Variants in OXR1 observed in about 807,000 individuals in gnomAD.
The protein encoded by OXR1 is oxidation resistance 1.
OXR1 carries 41 observed loss-of-function variants against 104.6 expected under a neutral mutation model. The observed-to-expected ratio is 0.39, with a 90% CI of 0.31 to 0.51. The LOEUF is 0.51. Among genes scored for constraint, OXR1 ranks in the 20% least tolerant of loss-of-function variants. The pLI is 0.77. For synonymous variants in OXR1, 348 were observed against 348.4 expected (o/e 1.00, Z 0.01); for missense variants, 955 against 1,031.9 (o/e 0.93, Z 1.02).
intron 2 of OXR1, among the ~76,000 whole-genome samples, chr8:106,369,400 A>G (rs1816614013): frequency 6.6e-6 from 1 of 152,146 alleles, no homozygotes; most frequent in Admixed American, 6.5e-5. Flanking sequence ...TCATTATTTT[A>G]ATTAGAACCC....
At chr8:106,539,754 A>G (rs544667878) in intron 3 of OXR1, among the ~76,000 whole-genome samples, 2 of 152,270 alleles carry the variant, frequency 1.3e-5, no homozygotes, top group South Asian at 2.1e-4. Flanking sequence ...TAATACTCCT[A>G]GTTTTGAAGA....
At chr8:106,521,734 G>A (rs1413600361) in intron 3 of OXR1, among the ~76,000 whole-genome samples, 5 of 152,162 alleles carry the variant, frequency 3.3e-5, no homozygotes, top group South Asian at 2.1e-4. Flanking sequence ...GGATGGTCTC[G>A]ATCTCCTGAC....
chr8:106,658,219 C>A (rs528027094), intron 3 of OXR1: 3 of 1,232,528 alleles, frequency 2.4e-6, no homozygotes, highest in South Asian at 4.1e-5. Context: ...CCCGCGCGGC[C>A]GACCTGGGCT....
intron 2 of OXR1, among the ~76,000 whole-genome samples, chr8:106,365,523 A>G (rs1816435236): frequency 1.3e-5 from 2 of 152,176 alleles, no homozygotes; most frequent in Non-Finnish European, 2.9e-5. Context: ...AAGGTAAAGT[A>G]TCATTATTTG....
At chr8:106,639,261 T>C (rs1823429422) in intron 3 of OXR1, among the ~76,000 whole-genome samples, 1 of 152,222 alleles carries the variant, frequency 6.6e-6, no homozygotes, top group Admixed American at 6.5e-5. Flanking sequence ...ACCTAGCACA[T>C]GTCACTCTAT....
chr8:106,359,776 C>A, intron 2 of OXR1, 140 bp downstream of exon 2: 1 of 668,110 alleles, frequency 1.5e-6, no homozygotes, highest in Admixed American at 2.3e-5. Context: ...CCCATGTTAG[C>A]GTAAAGAAAG....
chr8:106,728,541 C>G (rs1430370237), intron 11 of OXR1, among the ~76,000 whole-genome samples: 1 of 152,132 alleles, frequency 6.6e-6, no homozygotes, highest in Non-Finnish European at 1.5e-5. Flanking sequence ...AGCATACACT[C>G]CTAACAAAAT....
chr8:106,609,416 T>C (rs1417759281), intron 3 of OXR1, among the ~76,000 whole-genome samples: 1 of 152,126 alleles, frequency 6.6e-6, no homozygotes, highest in Non-Finnish European at 1.5e-5. Context: ...GGATTCTAAG[T>C]AGATAGATAA....
At position 106,322,518 on chromosome 8, in the gene OXR1, A is replaced by G. The variant is rs554101121; in HGVS notation, c.-138-36958A>G. ...AACTGCCACTTCTATCCAACACAGT[A>G]TTGGAAGTCCTAACCAAAACAATCA... On this transcript the variant is annotated intron_variant, in intron 1 of 16. Coordinates refer to ENST00000517566, the MANE Select transcript of OXR1 (RefSeq NM_001198533.2). 7.2e-5 allele frequency among the ~76,000 whole-genome samples: 11 copies of G among 152,294 alleles called. No homozygotes were observed. In the East Asian group the frequency reaches 1.9e-3, roughly 27 times the overall value.
intron 11 of OXR1, among the ~76,000 whole-genome samples, chr8:106,719,889 T>C (rs1445332442): frequency 2.0e-5 from 3 of 152,190 alleles, no homozygotes; most frequent in African/African-American, 7.2e-5. Flanking sequence ...CACTGCAAGC[T>C]CCGCCTCCTG....
chr8:106,636,646 T>C (rs1454976924), intron 3 of OXR1, among the ~76,000 whole-genome samples: 1 of 152,182 alleles, frequency 6.6e-6, no homozygotes. Flanking sequence ...GTTTCTCCTA[T>C]ATGGTTCTAT....
chr8:106,562,834 G>T (rs545346847), intron 3 of OXR1, among the ~76,000 whole-genome samples: 2 of 152,272 alleles, frequency 1.3e-5, no homozygotes, highest in East Asian at 3.9e-4. Flanking sequence ...TTAAAGAAAA[G>T]AATTTTCAAC....
intron 2 of OXR1, among the ~76,000 whole-genome samples, chr8:106,476,732 G>C (rs1454335067): frequency 6.6e-6 from 1 of 151,904 alleles, no homozygotes; most frequent in Non-Finnish European, 1.5e-5. Flanking sequence ...CTGTTGTCCT[G>C]ACATTTTAAA....
At chr8:106,415,603 G>GC (rs1411717524) in intron 2 of OXR1, among the ~76,000 whole-genome samples, 2 of 110,202 alleles carry the variant, frequency 1.8e-5, no homozygotes, top group African/African-American at 8.3e-5. Flanking sequence ...GACAGAGAGG[G>GC]AATTGCTTCC....
chr8:106,367,931 G>A (rs962965680), intron 2 of OXR1, among the ~76,000 whole-genome samples: 2 of 152,104 alleles, frequency 1.3e-5, no homozygotes, highest in South Asian at 4.1e-4. Context: ...AGGAAGCCAG[G>A]TAGGTGGAAA....
intron 2 of OXR1, among the ~76,000 whole-genome samples, chr8:106,479,048 A>G (rs749963503): frequency 4.6e-5 from 7 of 151,922 alleles, no homozygotes; most frequent in Non-Finnish European, 7.4e-5. Context: ...CCCAGAGGAG[A>G]AAAAGTGTGA....
chr8:106,683,468 G>A (rs1392121247), intron 5 of OXR1, among the ~76,000 whole-genome samples, 162 bp downstream of exon 5: 1 of 152,008 alleles, frequency 6.6e-6, no homozygotes, highest in African/African-American at 2.4e-5. Context: ...ACTGTTTTAT[G>A]TCTGTATTAG....
chr8:106,645,204 T>C (rs1413458556), intron 3 of OXR1, among the ~76,000 whole-genome samples: 1 of 152,224 alleles, frequency 6.6e-6, no homozygotes, highest in African/African-American at 2.4e-5. Context: ...ATGTTGTTGA[T>C]GTCTCTGTAT....
rs576163512 is a variant in OXR1, at chr8:106,703,286, T to C, written c.860+196T>C. On this transcript the variant is annotated intron_variant, in intron 8 of 16. Transcript: ENST00000517566. ...ATAGTTATGAATTATCTTAGATTTG[T>C]ATTTGTGTATGTGGTCAGAGAACCA... Among the ~76,000 whole-genome samples the C allele has an allele frequency of 2.0e-5, 3 of 152,330 alleles. No individual in the cohort carries two copies. In the East Asian group the frequency reaches 5.8e-4, roughly 29 times the overall value.
Sources: gnomAD v4.1 joint callset for allele counts (sites outside exome capture counted in the v4.1 genomes callset) on GRCh38, gnomAD v4.1.1 for gene constraint, MANE v1.5 for transcripts, NCBI Gene and HGNC (gene_info 2026-07-23, HGNC 2026-07-21) for gene names.